CEP57L1: variants seen among roughly 807,000 people sequenced by gnomAD.
CEP57L1 encodes centrosomal protein 57 like 1.
CEP57L1 carries 37 observed loss-of-function variants against 61.0 expected under a neutral mutation model. The ratio of observed to expected loss-of-function variants is 0.61; its 90% CI spans 0.47 to 0.80. The LOEUF (loss-of-function observed/expected upper bound fraction) is 0.80, where lower values mean the gene tolerates loss of function less well. Ranked by LOEUF, CEP57L1 falls within the 30% of genes least tolerant of loss-of-function variation. CEP57L1 has a pLI of 0.00. For synonymous variants in CEP57L1, 137 were observed against 162.3 expected (o/e 0.84, Z 1.19); for missense variants, 422 against 524.7 (o/e 0.80, Z 1.91).
intron 1 of CEP57L1, among the ~76,000 whole-genome samples, chr6:109,097,770 T>A (rs990905835): frequency 3.3e-5 from 5 of 152,216 alleles, no homozygotes; most frequent in African/African-American, 4.8e-5. Flanking sequence ...CAAGGTTCAC[T>A]TTTAAATAAG....
chr6:109,132,457 T>C (rs1054197193), intron 1 of CEP57L1, among the ~76,000 whole-genome samples: 1 of 152,232 alleles, frequency 6.6e-6, no homozygotes, highest in Non-Finnish European at 1.5e-5. Context: ...AGGTTTTTCA[T>C]TGTCTTTGTT....
chr6:109,126,997 C>G (rs1204392665), intron 1 of CEP57L1, among the ~76,000 whole-genome samples: 6 of 152,014 alleles, frequency 3.9e-5, no homozygotes, highest in African/African-American at 1.5e-4. Flanking sequence ...GAAACCCCGT[C>G]TCTACTAAAA....
At chr6:109,118,871 A>T (rs912379079) in intron 1 of CEP57L1, among the ~76,000 whole-genome samples, 4 of 152,186 alleles carry the variant, frequency 2.6e-5, no homozygotes, top group African/African-American at 4.8e-5. Flanking sequence ...TTTATTAAGT[A>T]TTAAATTAGG....
chr6:109,153,951 T>A lies in CEP57L1; in HGVS notation c.579+2T>A, dbSNP rs1772944331. 4.0e-6 allele frequency: 6 copies of A among 1,499,910 alleles called. No homozygotes were observed. The Admixed American group carries it at 9.0e-5, about 22-fold the overall frequency. 92.9% of individuals were successfully genotyped at this position (1,499,910 alleles called of 1,614,324 possible). A position where few individuals can be genotyped will look rare whatever the true frequency, so the allele number is the denominator to read the frequency against. ...ACAACAACTCAGAAAACTGCTGAGG[T>A]AAGCTTTCTTTGAAGTGATGACAAC... On this transcript the variant is annotated splice_donor_variant, in intron 5 of 10. Transcript: ENST00000517392. LOFTEE classifies it high-confidence loss of function.
At chr6:109,101,362 T>C (rs1048845742) in intron 1 of CEP57L1, among the ~76,000 whole-genome samples, 3 of 152,354 alleles carry the variant, frequency 2.0e-5, no homozygotes, top group East Asian at 1.9e-4. Context: ...TTTATATGTA[T>C]GGCTTGGGAG....
chr6:109,148,876 T>C (rs1772270731), intron 3 of CEP57L1, among the ~76,000 whole-genome samples: 1 of 152,256 alleles, frequency 6.6e-6, no homozygotes, highest in African/African-American at 2.4e-5. Flanking sequence ...CCAGTGATGG[T>C]GAGCATTTGT....
At position 109,167,660 on chromosome 6, in the gene CEP57L1, GAGCAA is replaced by G. The variant is rs1774194553; in HGVS notation, c.*4691_*4695del. ...CCACTGCACTCCAGCCTGGGCAACAGAGCAAGACTCTGCCTCAAAGCAAAAAAAAA... is the reference window on the plus strand; with the variant it reads ...CCACTGCACTCCAGCCTGGGCAACAGGACTCTGCCTCAAAGCAAAAAAAAA... On this transcript the variant is annotated 3_prime_UTR_variant, in exon 11 of 11. Coordinates refer to ENST00000517392, the MANE Select transcript of CEP57L1 (RefSeq NM_001271852.3). Among the ~76,000 whole-genome samples, 1 of 150,030 alleles carries G rather than the reference GAGCAA, an allele frequency of 6.7e-6. No homozygotes were observed. The highest frequency in any genetic ancestry group is 1.9e-4 in the East Asian group (1 of 5,156).
intron 7 of CEP57L1, chr6:109,156,443 G>A (rs1430995058): frequency 6.6e-6 from 1 of 152,128 alleles, no homozygotes; most frequent in East Asian, 1.9e-4. Flanking sequence ...TTGCCCAAAA[G>A]TAAGGATTGG....
rs1449158477 is a variant in CEP57L1, at chr6:109,168,926, G to GA, written c.*5960dup. Among the ~76,000 whole-genome samples the GA allele has an allele frequency of 2.7e-5, 4 of 150,172 alleles. No individual in the cohort carries two copies. The East Asian group carries it at 6.0e-4, about 22-fold the overall frequency. ...TTTTTAAATGATATAAAATAGTATT[G>GA]AAAATATCAGAATGTGGCCAGGTGC... On this transcript the variant is annotated 3_prime_UTR_variant, in exon 11 of 11. Transcript: ENST00000517392.
chr6:109,115,545 G>T (rs1772167266), intron 1 of CEP57L1, among the ~76,000 whole-genome samples: 1 of 152,086 alleles, frequency 6.6e-6, no homozygotes, highest in African/African-American at 2.4e-5. Flanking sequence ...CTCAGGGAAT[G>T]CAAACTTATT....
At chr6:109,146,966 G>A (rs765069432) in intron 3 of CEP57L1, 29 bp downstream of exon 3, 26 of 1,562,160 alleles carry the variant, frequency 1.7e-5, no homozygotes, top group South Asian at 1.1e-4. Flanking sequence ...CTCAGAAACC[G>A]GGGGTTACTG....
chr6:109,115,970 A>G (rs1772223055), intron 1 of CEP57L1, among the ~76,000 whole-genome samples: 2 of 152,212 alleles, frequency 1.3e-5, no homozygotes, highest in Admixed American at 6.5e-5. Context: ...CATACATTTT[A>G]TAGAATTGAG....
rs200550237 is a variant in CEP57L1, at chr6:109,146,798, T to C, written c.201T>C (p.His67=). The C allele has an allele frequency of 6.7e-5, 106 of 1,589,260 alleles. No homozygotes were observed. In the East Asian group the frequency reaches 2.0e-3, roughly 29 times the overall value. ...LALKTLQEKI[H]RLELERTQAE... is the part of the protein sequence containing the mutation. ...TAAAAACTCTTCAGGAAAAAATTCA[T>C]CGTTTAGAGCTGGAGAGAACACAAG... The change falls in exon 3 of 11, where the codon CAT becomes CAC. Residue 67 remains histidine, a synonymous_variant. Coordinates refer to ENST00000517392, the MANE Select transcript of CEP57L1 (RefSeq NM_001271852.3).
chr6:109,128,284 C>A (rs1241350255), intron 1 of CEP57L1, among the ~76,000 whole-genome samples: 3 of 151,960 alleles, frequency 2.0e-5, no homozygotes, highest in African/African-American at 7.2e-5. Flanking sequence ...TCCATTAATT[C>A]ACCACTATCT....
Position 109,162,850 on chromosome 6 carries a change from T to A in CEP57L1, c.1263T>A (p.Asn421Lys), listed in dbSNP as rs1440429649. 1.2e-6 allele frequency: 2 copies of A among 1,613,196 alleles called. No homozygotes were observed. The highest frequency in any genetic ancestry group is 1.7e-6 in the Non-Finnish European group (2 of 1,179,472). Residue 421 changes from asparagine to lysine, a missense_variant, in exon 11 of 11, where the codon AAT (asparagine) becomes AAA (lysine). Asn to Lys is a moderately conservative substitution (Grantham distance 94). Coordinates refer to ENST00000517392, the MANE Select transcript of CEP57L1 (RefSeq NM_001271852.3). ...CTAAAGGATCAAAGAACATAAAAAATAGCCCCAGAAAATGTTTGACTGACA... is the reference window on the plus strand; with the variant it reads ...CTAAAGGATCAAAGAACATAAAAAAAAGCCCCAGAAAATGTTTGACTGACA... ...SYPKGSKNIK[N>K]SPRKCLTDTN...
rs77162686 is a variant in CEP57L1, at chr6:109,102,514, C to A, written c.-4+6939C>A. 8.3e-3 allele frequency among the ~76,000 whole-genome samples: 1,264 copies of A among 152,222 alleles called. 24 individuals carry two copies. The highest frequency in any genetic ancestry group is 0.029 in the African/African-American group (1,213 of 41,524). On this transcript the variant is annotated intron_variant, in intron 1 of 10. Transcript: ENST00000517392. Reference sequence around the variant, plus strand: ...CAGAAATTTTTAATTTTAGTGAAGTCCAGCTTTCATGTATCATGCTTTTCG... The same window carrying A: ...CAGAAATTTTTAATTTTAGTGAAGTACAGCTTTCATGTATCATGCTTTTCG...
intron 1 of CEP57L1, among the ~76,000 whole-genome samples, chr6:109,144,057 A>G (rs896387270): frequency 6.6e-6 from 1 of 152,158 alleles, no homozygotes; most frequent in Non-Finnish European, 1.5e-5. Flanking sequence ...GCTGGTACTA[A>G]TCACAATAGC....
At position 109,173,934 on chromosome 6, in the gene CEP57L1, T is replaced by TA. The variant is rs113721386; in HGVS notation, c.*10980dup. ...CAACATGGTGAAACCCCGTCTCTAC[T>TA]AAAAAAAAAAAAAAAATTAGCTGGG... On this transcript the variant is annotated 3_prime_UTR_variant, in exon 11 of 11. Transcript: ENST00000517392. 0.035 allele frequency among the ~76,000 whole-genome samples: 4,752 copies of TA among 136,934 alleles called. 260 individuals carry two copies. Among genetic ancestry groups the TA allele is most frequent in the African/African-American group, 0.12 (4,418 of 37,598 alleles). The allele number at this position is 136,934 out of a possible 152,430, so 89.8% of individuals were successfully genotyped here.
chr6:109,113,061 T>C (rs1021910199), intron 1 of CEP57L1, among the ~76,000 whole-genome samples: 4 of 152,138 alleles, frequency 2.6e-5, no homozygotes, highest in African/African-American at 9.7e-5. Flanking sequence ...GTCCTGAATA[T>C]CCTTGTTAAT....
Sources: allele counts gnomAD v4.1 joint callset (sites outside exome capture counted in the v4.1 genomes callset), GRCh38; gene constraint gnomAD v4.1.1; transcripts MANE v1.5; gene names NCBI Gene and HGNC (gene_info 2026-07-23, HGNC 2026-07-21).